The following SHOC1 variants were observed in gnomAD, a reference collection of about 807,000 sequenced individuals.
The protein encoded by SHOC1 is shortage in chiasmata 1, also known as protein shortage in chiasmata 1 ortholog.
In SHOC1, 136 loss-of-function variants were observed where a neutral mutation model predicts 179.2. That is an observed-to-expected ratio of 0.76 (90% CI 0.66 to 0.87). The LOEUF is 0.87. Among genes scored for constraint, SHOC1 ranks in the 40% least tolerant of loss-of-function variants. The pLI is 0.00. For synonymous variants in SHOC1, 489 were observed against 586.6 expected, an observed-to-expected ratio of 0.83 and a Z score of 2.41; for missense variants, 1,538 against 1,700.8, an observed-to-expected ratio of 0.90 and a Z score of 1.68.
intron 11 of SHOC1, among the ~76,000 whole-genome samples, chr9:111,740,825 G>C (rs190977783): frequency 4.7e-4 from 71 of 152,306 alleles, no homozygotes; most frequent in African/African-American, 1.7e-3. Context: ...GCCCGGGTCG[G>C]CCTCCCAAAG....
intron 10 of SHOC1, 52 bp from the exon 11 acceptor site, chr9:111,741,622 T>A: frequency 1.1e-6 from 1 of 945,178 alleles, no homozygotes; most frequent in Admixed American, 2.7e-5. Flanking sequence ...GTCTTTTGTA[T>A]AATAAAATTT....
intron 5 of SHOC1, among the ~76,000 whole-genome samples, chr9:111,771,709 T>C (rs1182351677): frequency 3.9e-5 from 6 of 152,148 alleles, no homozygotes; most frequent in Non-Finnish European, 7.4e-5. Context: ...GCTTTTTTTT[T>C]CTTTGAGCAC....
chr9:111,762,850 T>G (rs148743361), intron 5 of SHOC1, among the ~76,000 whole-genome samples: 4 of 152,182 alleles, frequency 2.6e-5, no homozygotes, highest in African/African-American at 9.6e-5. Context: ...TCTAGCGGTT[T>G]TAGTCAGTAT....
At chr9:111,746,408 C>T in intron 9 of SHOC1, 66 bp from the exon 10 acceptor site, 1 of 993,106 alleles carries the variant, frequency 1.0e-6, no homozygotes, top group Non-Finnish European at 1.6e-6. Flanking sequence ...GGCGTGGTGG[C>T]TCACACCTGT....
At chr9:111,771,591 G>A (rs546791143) in intron 5 of SHOC1, among the ~76,000 whole-genome samples, 1 of 152,184 alleles carries the variant, frequency 6.6e-6, no homozygotes, top group East Asian at 1.9e-4. Flanking sequence ...TTTACTGTAA[G>A]ATGATGGGTC....
At chr9:111,750,542 C>A (rs960215226) in intron 8 of SHOC1, among the ~76,000 whole-genome samples, 3 of 152,130 alleles carry the variant, frequency 2.0e-5, no homozygotes, top group Non-Finnish European at 4.4e-5. Flanking sequence ...ACCATGTTGG[C>A]CAGGCTGGTC....
rs570102152 is a variant in SHOC1 at position 111,695,321 on chromosome 9, A to G, written c.3184-959T>C. 7.9e-5 allele frequency among the ~76,000 whole-genome samples: 12 copies of G among 152,296 alleles called. No homozygotes were observed. The South Asian group carries it at 2.5e-3, about 32-fold the overall frequency. On this transcript the variant is annotated intron_variant, in intron 24 of 27. Transcript: ENST00000682961. ...TTCTTTTATAAGAATAGCAAATACAAAACGGTTAGTACACACCTGGGGAGT... is the reference window on the plus strand; with the variant it reads ...TTCTTTTATAAGAATAGCAAATACAGAACGGTTAGTACACACCTGGGGAGT...
intron 24 of SHOC1, among the ~76,000 whole-genome samples, chr9:111,698,023 C>G (rs1478747939): frequency 6.6e-6 from 1 of 152,272 alleles, no homozygotes; most frequent in South Asian, 2.1e-4. Flanking sequence ...CTGTTGCCCA[C>G]TTTTTGATGG....
At chr9:111,693,421 C>CAAAA (rs59200447) in intron 26 of SHOC1, among the ~76,000 whole-genome samples, 5 of 85,826 alleles carry the variant, frequency 5.8e-5, no homozygotes, top group African/African-American at 8.1e-5. Context: ...CCCGTTTCTA[C>CAAAA]AAAAAAAAAA....
Position 111,692,010 on chromosome 9 carries a change from A to G in SHOC1, c.3967T>C (p.Phe1323Leu). The change falls in exon 27 of 28, where the codon TTT becomes CTT. Residue 1323 changes from phenylalanine to leucine, a missense_variant. By Grantham distance (22) the Phe-to-Leu change is conservative. Coordinates refer to ENST00000682961, the MANE Select transcript of SHOC1 (RefSeq NM_001378211.1). ...TQKRVSVVPR[F>L]INSQKRRTHE... Reference sequence around the variant, plus strand: ...GTTCTCCTTTTCTGAGAATTTATAAAACGGGGGACAACTGACACTCTCTTC... The same window carrying G: ...GTTCTCCTTTTCTGAGAATTTATAAGACGGGGGACAACTGACACTCTCTTC... 1 of 1,613,210 alleles carries G rather than the reference A, an allele frequency of 6.2e-7. No homozygotes were observed. The highest frequency in any genetic ancestry group is 1.1e-5 in the South Asian group (1 of 90,952).
rs774899913 is a variant in SHOC1, at chr9:111,694,374, T to A, written c.3184-12A>T. On this transcript the variant is annotated splice_polypyrimidine_tract_variant and intron_variant, in intron 24 of 27. Transcript: ENST00000682961. ...GGGGCAATTATAAGCTAAAAAATAT[T>A]TTTTATGTTAGATTATAGGAAATAC... 1.3e-6 allele frequency: 2 copies of A among 1,588,604 alleles called. No homozygotes were observed. Among genetic ancestry groups the A allele is most frequent in the South Asian group, 2.3e-5 (2 of 87,722 alleles).
At chr9:111,694,015 T>G in intron 25 of SHOC1, 67 bp from the exon 26 acceptor site, 1 of 1,334,790 alleles carries the variant, frequency 7.5e-7, no homozygotes, top group Non-Finnish European at 1.0e-6. Flanking sequence ...ATTCTACAAG[T>G]AAGTACATTT....
At chr9:111,698,512 G>A (rs1273218150) in intron 24 of SHOC1, among the ~76,000 whole-genome samples, 2 of 152,126 alleles carry the variant, frequency 1.3e-5, no homozygotes, top group African/African-American at 4.8e-5. Flanking sequence ...TAGATGTGTG[G>A]TATTATTTCT....
At chr9:111,763,891 G>A (rs1263550261) in intron 5 of SHOC1, among the ~76,000 whole-genome samples, 1 of 152,110 alleles carries the variant, frequency 6.6e-6, no homozygotes, top group Admixed American at 6.6e-5. Flanking sequence ...TCAGGATCAA[G>A]TTCTATGTAC....
chr9:111,686,767 CCTT>C lies in SHOC1; in HGVS notation c.4527_*2del, dbSNP rs1564096907. ...TGGCATGTAACATTGCTCTTCTCCTCCTTCAAAAAAACCTCAGCCGAGTCTGCC... is the reference window on the plus strand; with the variant it reads ...TGGCATGTAACATTGCTCTTCTCCTCCAAAAAAACCTCAGCCGAGTCTGCC... On this transcript the variant is annotated stop_lost and 3_prime_UTR_variant, in exon 28 of 28. Coordinates refer to ENST00000682961, the MANE Select transcript of SHOC1 (RefSeq NM_001378211.1). The C allele has an allele frequency of 6.3e-7, 1 of 1,595,162 alleles. No individual in the cohort carries two copies. The highest frequency in any genetic ancestry group is 8.6e-7 in the Non-Finnish European group (1 of 1,163,344).
chr9:111,723,852 T>A lies in SHOC1; in HGVS notation c.1894A>T (p.Thr632Ser). 6.2e-7 allele frequency: 1 copy of A among 1,603,444 alleles called. No individual in the cohort carries two copies. The highest frequency in any genetic ancestry group is 8.5e-7 in the Non-Finnish European group (1 of 1,171,168). Residue 632 changes from threonine to serine, a missense_variant, in exon 14 of 28, where the codon ACC (threonine) becomes TCC (serine). Transcript: ENST00000682961. ...CTTTCCTGATTTATTTCCTCCAGGG[T>A]TTTATTAATATGAACAATAGGACTT... Reference protein sequence around the residue: ...EESPIVHINKTLEEINQERGT... With the variant: ...EESPIVHINKSLEEINQERGT...
chr9:111,741,213 T>G (rs945848), intron 11 of SHOC1, among the ~76,000 whole-genome samples: 74,610 of 152,044 alleles, frequency 0.49, 20,275 homozygotes, highest in East Asian at 0.87. Flanking sequence ...GACAGTTTTA[T>G]GTACTACTTG....
At chr9:111,692,920 G>A (rs1270290220) in intron 26 of SHOC1, among the ~76,000 whole-genome samples, 1 of 151,934 alleles carries the variant, frequency 6.6e-6, no homozygotes, top group Non-Finnish European at 1.5e-5. Flanking sequence ...ATGTGAATAG[G>A]GTATATAACT....
intron 17 of SHOC1, among the ~76,000 whole-genome samples, 159 bp from the exon 18 acceptor site, chr9:111,713,331 C>A (rs1832637013): frequency 6.6e-6 from 1 of 152,036 alleles, no homozygotes; most frequent in Non-Finnish European, 1.5e-5. Context: ...AATACTTAAA[C>A]TCAAGGAATA....
Sources: allele counts gnomAD v4.1 joint callset (sites outside exome capture counted in the v4.1 genomes callset), GRCh38; gene constraint gnomAD v4.1.1; transcripts MANE v1.5; gene names NCBI Gene and HGNC (gene_info 2026-07-23, HGNC 2026-07-21).